Variants in EXOC6B observed in about 807,000 individuals in gnomAD.
The protein encoded by EXOC6B is exocyst complex component 6B, also known as SEC15 homolog B.
A neutral mutation model predicts 113.5 loss-of-function variants in EXOC6B; 54 were observed. The observed-to-expected ratio is 0.48, with a 90% CI of 0.38 to 0.60. The LOEUF is 0.60. Ranked by LOEUF, EXOC6B falls within the 20% of genes least tolerant of loss-of-function variation. The pLI is 0.00. For missense variants in EXOC6B, 797 were observed against 977.5 expected (o/e 0.82, Z 2.46); for synonymous variants, 357 against 339.0 (o/e 1.05, Z -0.58).
intron 8 of EXOC6B, among the ~76,000 whole-genome samples, chr2:72,521,122 T>C (rs369028891): frequency 3.3e-5 from 5 of 152,154 alleles, no homozygotes; most frequent in East Asian, 1.9e-4. Context: ...ATGAATGGAA[T>C]TGGGACCCTA....
At chr2:72,638,775 G>A (rs1471224097) in intron 6 of EXOC6B, among the ~76,000 whole-genome samples, 3 of 152,176 alleles carry the variant, frequency 2.0e-5, no homozygotes, top group Non-Finnish European at 4.4e-5. Flanking sequence ...AAGAGTGTCT[G>A]TAGTGGAGCA....
intron 8 of EXOC6B, among the ~76,000 whole-genome samples, chr2:72,537,475 C>A (rs1702362397): frequency 6.7e-6 from 1 of 150,126 alleles, no homozygotes; most frequent in Non-Finnish European, 1.5e-5. Flanking sequence ...AAAAACCCCA[C>A]AAACACCTGG....
chr2:72,431,047 G>A (rs11889717), intron 18 of EXOC6B, among the ~76,000 whole-genome samples: 1 of 152,086 alleles, frequency 6.6e-6, no homozygotes, highest in East Asian at 1.9e-4. Flanking sequence ...CTTGTTGGGG[G>A]TTGCATGTTA....
At chr2:72,728,535 A>G (rs1680449644) in intron 5 of EXOC6B, among the ~76,000 whole-genome samples, 1 of 152,200 alleles carries the variant, frequency 6.6e-6, no homozygotes, top group South Asian at 2.1e-4. Flanking sequence ...GACTTAAAAC[A>G]AAGATTTAAA....
intron 1 of EXOC6B, among the ~76,000 whole-genome samples, chr2:72,777,991 A>G (rs1252108149): frequency 6.6e-6 from 1 of 152,190 alleles, no homozygotes; most frequent in Admixed American, 6.5e-5. Context: ...ATACCTATCT[A>G]ACACAAAATA....
chr2:72,533,422 T>C (rs569642527), intron 8 of EXOC6B, among the ~76,000 whole-genome samples: 3 of 152,340 alleles, frequency 2.0e-5, no homozygotes, highest in Admixed American at 2.0e-4. Context: ...AAATTTTACA[T>C]CACAGTTGCA....
intron 17 of EXOC6B, among the ~76,000 whole-genome samples, chr2:72,466,833 C>T (rs575805022): frequency 6.6e-6 from 1 of 152,258 alleles, no homozygotes; most frequent in African/African-American, 2.4e-5. Context: ...CATTACCTCA[C>T]ATACTTATTT....
chr2:72,796,705 C>T (rs1380496500), intron 1 of EXOC6B, among the ~76,000 whole-genome samples: 1 of 152,128 alleles, frequency 6.6e-6, no homozygotes, highest in Non-Finnish European at 1.5e-5. Flanking sequence ...AAAAAATCTT[C>T]CTATCCCATA....
At chr2:72,298,833 G>C (rs1686314743) in intron 20 of EXOC6B, among the ~76,000 whole-genome samples, 1 of 152,170 alleles carries the variant, frequency 6.6e-6, no homozygotes, top group African/African-American at 2.4e-5. Context: ...CTGGCTTGTA[G>C]GGTTTCTGCA....
At chr2:72,564,747 G>T (rs1704069172) in intron 7 of EXOC6B, among the ~76,000 whole-genome samples, 1 of 152,044 alleles carries the variant, frequency 6.6e-6, no homozygotes, top group African/African-American at 2.4e-5. Flanking sequence ...CCAACAAACT[G>T]GAAGGCCTAT....
chr2:72,755,952 T>C (rs1229391323), intron 1 of EXOC6B, among the ~76,000 whole-genome samples: 1 of 152,156 alleles, frequency 6.6e-6, no homozygotes, highest in African/African-American at 2.4e-5. Flanking sequence ...GATTAAACCA[T>C]GGACAATCAG....
intron 6 of EXOC6B, among the ~76,000 whole-genome samples, chr2:72,709,688 C>A (rs949272190): frequency 6.6e-6 from 1 of 151,922 alleles, no homozygotes; most frequent in African/African-American, 2.4e-5. Flanking sequence ...TTTTTAATTT[C>A]TTTTTTCTAA....
chr2:72,721,411 G>A (rs978927342), intron 5 of EXOC6B, among the ~76,000 whole-genome samples: 234 of 17,982 alleles, frequency 0.013, no homozygotes, highest in Non-Finnish European at 0.015. Context: ...ATTCACAAAA[G>A]AACCAAAAAG....
At chr2:72,279,868 G>A (rs150310861) in intron 20 of EXOC6B, among the ~76,000 whole-genome samples, 33 of 151,630 alleles carry the variant, frequency 2.2e-4, no homozygotes, top group African/African-American at 6.0e-4. Context: ...TCTCGAATTC[G>A]TGAGCTCAAG....
chr2:72,215,039 TAA>T (rs1274368064), intron 20 of EXOC6B, among the ~76,000 whole-genome samples: 1 of 152,180 alleles, frequency 6.6e-6, no homozygotes, highest in Non-Finnish European at 1.5e-5. Context: ...TCATTAATCA[TAA>T]GAGTCTGGCT....
In EXOC6B at chr2:72,425,058, T is replaced by C. The variant is rs200885257; in HGVS notation, c.1980+40102A>G. On this transcript the variant is annotated intron_variant, in intron 18 of 21. Transcript: ENST00000272427. ...TATGTGTCCATGTGTTCTCAACATT[T>C]GGCTCCCACTTATAAGTGAGAACAT... Among the ~76,000 whole-genome samples the C allele has an allele frequency of 9.8e-5, 15 of 152,330 alleles. No individual in the cohort carries two copies. In the East Asian group the frequency reaches 2.5e-3, roughly 25 times the overall value.
intron 20 of EXOC6B, among the ~76,000 whole-genome samples, chr2:72,233,569 G>C (rs1336875778): frequency 6.6e-6 from 1 of 152,162 alleles, no homozygotes; most frequent in African/African-American, 2.4e-5. Flanking sequence ...TCTAGACTGA[G>C]GCAGAGAGCC....
At position 72,630,692 on chromosome 2, in the gene EXOC6B, A is replaced by G. The variant is rs75222389; in HGVS notation, c.670-55024T>C. The stretch of plus-strand genomic sequence containing the variant: ...AGAAAAAAAAACTTTCTACATTTTT[A>G]AAAACAATAATTCTGCCAAAAGTTA... On this transcript the variant is annotated intron_variant, in intron 6 of 21. Coordinates refer to ENST00000272427, the MANE Select transcript of EXOC6B (RefSeq NM_015189.3). Among the ~76,000 whole-genome samples, 91 of 152,322 alleles carry G rather than the reference A, an allele frequency of 6.0e-4. No individual in the cohort carries two copies. In the East Asian group the frequency reaches 0.017, roughly 29 times the overall value.
At chr2:72,325,139 G>A (rs1215919767) in intron 20 of EXOC6B, among the ~76,000 whole-genome samples, 7 of 152,142 alleles carry the variant, frequency 4.6e-5, no homozygotes, top group Non-Finnish European at 1.0e-4. Context: ...TCATGCCCAC[G>A]TTGAATTTCA....
Sources: gnomAD v4.1 joint callset for allele counts (sites outside exome capture counted in the v4.1 genomes callset) on GRCh38, gnomAD v4.1.1 for gene constraint, MANE v1.5 for transcripts, NCBI Gene and HGNC (gene_info 2026-07-23, HGNC 2026-07-21) for gene names.